Variants in SLC29A3 observed in about 807,000 individuals in gnomAD.
SLC29A3 encodes solute carrier family 29 member 3, also known as equilibrative nucleoside transporter 3.
SLC29A3 carries 18 observed loss-of-function variants against 25.4 expected under a neutral mutation model. The observed-to-expected ratio is 0.71, with a 90% CI of 0.49 to 1.05. The LOEUF (loss-of-function observed/expected upper bound fraction) is 1.05. Among genes scored for constraint, SLC29A3 ranks in the 50% least tolerant of loss-of-function variants. The pLI, the probability that SLC29A3 is intolerant of heterozygous loss-of-function variation, is 0.00. For missense variants in SLC29A3, 586 were observed against 609.0 expected (o/e 0.96, Z 0.40); for synonymous variants, 258 against 267.1 (o/e 0.97, Z 0.33).
chr10:71,337,201 A>G (rs1240471958), intron 2 of SLC29A3, among the ~76,000 whole-genome samples: 1 of 151,868 alleles, frequency 6.6e-6, no homozygotes, highest in Admixed American at 6.6e-5. Context: ...TTGGCCACAC[A>G]CCCATTATCT....
chr10:71,351,652 C>A lies in SLC29A3; in HGVS notation c.474C>A (p.Ser158=), dbSNP rs769083926. 1.2e-6 allele frequency: 2 copies of A among 1,614,194 alleles called. No homozygotes were observed. Among genetic ancestry groups the A allele is most frequent in the Non-Finnish European group, 1.7e-6 (2 of 1,179,992 alleles). The change falls in exon 4 of 6, where the codon TCC becomes TCA. Residue 158 remains serine, a synonymous_variant. Coordinates refer to ENST00000373189, the MANE Select transcript of SLC29A3 (RefSeq NM_018344.6). ...VITALVKVDT[S]SWTRGFFAVT... ...CTGCACTGGTGAAGGTGGACACTTC[C>A]TCCTGGACCCGTGGCTTTTTTGCGG...
At chr10:71,328,890 C>T (rs144406315) in intron 2 of SLC29A3, among the ~76,000 whole-genome samples, 2 of 152,328 alleles carry the variant, frequency 1.3e-5, no homozygotes, top group East Asian at 3.9e-4. Flanking sequence ...TAGTTCTGGT[C>T]CAGTCTCTCA....
intron 1 of SLC29A3, among the ~76,000 whole-genome samples, chr10:71,321,642 C>T (rs1191515535): frequency 6.6e-6 from 1 of 152,256 alleles, no homozygotes; most frequent in African/African-American, 2.4e-5. Context: ...ATAGGCCAGG[C>T]ATTGCCAGCC....
chr10:71,364,448 G>A (rs1445626567), downstream of SLC29A3: 2 of 152,174 alleles, frequency 1.3e-5, no homozygotes, highest in Non-Finnish European at 2.9e-5. Context: ...TTTTTCAGGT[G>A]TCTAGAAGGC....
chr10:71,330,765 A>C (rs1489063819), intron 2 of SLC29A3, among the ~76,000 whole-genome samples: 1 of 152,246 alleles, frequency 6.6e-6, no homozygotes, highest in Non-Finnish European at 1.5e-5. Context: ...ACCATGTGCC[A>C]GGCACTGCTA....
At chr10:71,321,653 A>C (rs1845848490) in intron 1 of SLC29A3, among the ~76,000 whole-genome samples, 2 of 152,282 alleles carry the variant, frequency 1.3e-5, no homozygotes, top group Admixed American at 1.3e-4. Flanking sequence ...ATTGCCAGCC[A>C]GTTGCAGTTG....
chr10:71,380,616 G>A (rs1285315240), exon 5 of SLC29A3: 1 of 152,246 alleles, frequency 6.6e-6, no homozygotes, highest in Non-Finnish European at 1.5e-5. Flanking sequence ...TGGTCTCCCA[G>A]TAGGTTGCTA....
At chr10:71,377,198 T>C (rs1327669113) in intron 4 of SLC29A3, among the ~76,000 whole-genome samples, 1 of 152,178 alleles carries the variant, frequency 6.6e-6, no homozygotes. Context: ...CAGGGGCTGA[T>C]GGGGAGGTGC....
At chr10:71,321,309 T>G (rs1274226601) in intron 1 of SLC29A3, among the ~76,000 whole-genome samples, 1 of 152,140 alleles carries the variant, frequency 6.6e-6, no homozygotes, top group Non-Finnish European at 1.5e-5. Flanking sequence ...TGAGGAGGTG[T>G]TCCCATCCCA....
chr10:71,351,191 C>T (rs1846747064), intron 3 of SLC29A3, among the ~76,000 whole-genome samples: 1 of 152,202 alleles, frequency 6.6e-6, no homozygotes, highest in South Asian at 2.1e-4. Context: ...CCTTGAACAT[C>T]CTGGTGTCCT....
rs779966426 is a variant in SLC29A3, at chr10:71,362,101, C to T, written c.921C>T (p.Ser307=). 36 of 1,614,172 alleles carry T rather than the reference C, an allele frequency of 2.2e-5. No individual in the cohort carries two copies. Among genetic ancestry groups the T allele is most frequent in the Non-Finnish European group, 3.1e-5 (36 of 1,180,034 alleles). ...GCCCCATCCTGAAGAAGACGGCCAG[C>T]CTGGGCTTCTGTGTCACCTACGTCT... The part of the protein sequence containing the change: ...PLRPILKKTA[S]LGFCVTYVFF... The change falls in exon 6 of 6, where the codon AGC becomes AGT. Residue 307 remains serine (S), a synonymous_variant. Coordinates refer to ENST00000373189, the MANE Select transcript of SLC29A3 (RefSeq NM_018344.6).
At chr10:71,366,521 G>A (rs1471794360), downstream of SLC29A3, 1 of 152,176 alleles carries the variant, frequency 6.6e-6, no homozygotes, top group African/African-American at 2.4e-5. Flanking sequence ...TACATGAGGG[G>A]ACTCTTCAAC....
At chr10:71,322,664 G>C in intron 1 of SLC29A3, 92 bp from the exon 2 acceptor site, 1 of 1,468,580 alleles carries the variant, frequency 6.8e-7, no homozygotes, top group Non-Finnish European at 9.5e-7. Context: ...AGGGGGCATG[G>C]TCATTTTGTA....
intron 3 of SLC29A3, among the ~76,000 whole-genome samples, chr10:71,369,741 G>A (rs141117492): frequency 6.6e-6 from 1 of 152,300 alleles, no homozygotes; most frequent in Non-Finnish European, 1.5e-5. Flanking sequence ...GTCAGGCTCT[G>A]CCTATGTACA....
At chr10:71,336,093 A>G (rs1475867977) in intron 2 of SLC29A3, among the ~76,000 whole-genome samples, 1 of 152,154 alleles carries the variant, frequency 6.6e-6, no homozygotes, top group Non-Finnish European at 1.5e-5. Flanking sequence ...CTAGGGAATA[A>G]CATTTCCTTG....
At chr10:71,354,729 C>T (rs780678) in intron 4 of SLC29A3, among the ~76,000 whole-genome samples, 104,621 of 151,928 alleles carry the variant, frequency 0.69, 37,049 homozygotes, top group Non-Finnish European at 0.78. Context: ...AGGTTCATCC[C>T]GCCAGTCAAC....
intron 5 of SLC29A3, among the ~76,000 whole-genome samples, chr10:71,359,178 G>A (rs1589242476): frequency 1.3e-5 from 2 of 152,240 alleles, no homozygotes; most frequent in South Asian, 4.1e-4. Flanking sequence ...CAAAGTGCTG[G>A]GATTGATTAC....
intron 2 of SLC29A3, 89 bp downstream of exon 2, chr10:71,323,143 T>C: frequency 1.3e-6 from 2 of 1,521,402 alleles, no homozygotes; most frequent in East Asian, 2.3e-5. Flanking sequence ...TTCAGACACA[T>C]TTCCAGCCTT....
At chr10:71,340,548 A>G (rs776351849) in intron 2 of SLC29A3, among the ~76,000 whole-genome samples, 10 of 152,222 alleles carry the variant, frequency 6.6e-5, no homozygotes, top group Non-Finnish European at 1.2e-4. Context: ...GGGAGCTCTC[A>G]GGAATCAGGC....
Sources: allele counts gnomAD v4.1 joint callset (sites outside exome capture counted in the v4.1 genomes callset), GRCh38; gene constraint gnomAD v4.1.1; transcripts MANE v1.5; gene names NCBI Gene and HGNC (gene_info 2026-07-23, HGNC 2026-07-21).